FIP1L1: variants seen among roughly 807,000 people sequenced by gnomAD.
The protein encoded by FIP1L1 is factor interacting with PAPOLA and CPSF1.
A neutral mutation model predicts 84.6 loss-of-function variants in FIP1L1; 21 were observed. That is an observed-to-expected ratio of 0.25 (90% CI 0.18 to 0.36). The LOEUF is 0.36. FIP1L1 is among the 10% of genes least tolerant of loss of function. FIP1L1 has a pLI of 1.00. For missense variants in FIP1L1, 526 were observed against 751.1 expected, an observed-to-expected ratio of 0.70 and a Z score of 3.50; for synonymous variants, 263 against 242.3, an observed-to-expected ratio of 1.09 and a Z score of -0.80.
At chr4:53,445,018 G>A (rs1280554485) in intron 15 of FIP1L1, among the ~76,000 whole-genome samples, 1 of 152,170 alleles carries the variant, frequency 6.6e-6, no homozygotes, top group Non-Finnish European at 1.5e-5. Context: ...AGAAGTGGAA[G>A]GGTAGATAAT....
rs187675363 is a variant in FIP1L1, at chr4:53,426,981, G to A, written c.1017+1016G>A. On this transcript the variant is annotated intron_variant, in intron 12 of 17. Transcript: ENST00000337488. ...CTGAGTCCTTTTAAAAATGTCCAGAGCACTTTATTCTTACCTTTGATAAGT... is the reference window on the plus strand; with the variant it reads ...CTGAGTCCTTTTAAAAATGTCCAGAACACTTTATTCTTACCTTTGATAAGT... Among the ~76,000 whole-genome samples the A allele has an allele frequency of 2.6e-5, 4 of 152,032 alleles. No individual in the cohort carries two copies. The East Asian group carries it at 5.8e-4, about 22-fold the overall frequency.
At chr4:53,441,714 C>G (rs1383864161) in intron 13 of FIP1L1, among the ~76,000 whole-genome samples, 1 of 151,824 alleles carries the variant, frequency 6.6e-6, no homozygotes, top group African/African-American at 2.4e-5. Flanking sequence ...AAAACGGAGG[C>G]TTAGTGGAAG....
At chr4:53,458,509 G>A in intron 16 of FIP1L1, 144 bp from the exon 17 acceptor site, 1 of 646,916 alleles carries the variant, frequency 1.5e-6, no homozygotes, top group Non-Finnish European at 2.4e-6. Flanking sequence ...TCAATTCAAC[G>A]AATATTTCTT....
intron 13 of FIP1L1, among the ~76,000 whole-genome samples, chr4:53,429,736 G>A (rs1202531935): frequency 2.6e-5 from 4 of 151,908 alleles, no homozygotes; most frequent in African/African-American, 9.7e-5. Flanking sequence ...GTGATGTTTT[G>A]ATTATGTCTA....
chr4:53,407,026 C>G (rs1247642644), intron 10 of FIP1L1, among the ~76,000 whole-genome samples: 16 of 152,102 alleles, frequency 1.1e-4, no homozygotes, highest in Non-Finnish European at 1.6e-4. Context: ...CTGCTCTGAT[C>G]TTAGTTATTT....
chr4:53,390,006 T>G (rs1560493443), intron 6 of FIP1L1, 133 bp downstream of exon 6: 2 of 621,188 alleles, frequency 3.2e-6, no homozygotes, highest in South Asian at 4.4e-5. Flanking sequence ...TGGCGCAATC[T>G]TAGTTCACTG....
At chr4:53,391,536 T>A (rs1744245505) in intron 9 of FIP1L1, 38 bp downstream of exon 9, 1 of 1,510,928 alleles carries the variant, frequency 6.6e-7, no homozygotes, top group South Asian at 1.1e-5. Flanking sequence ...GCTCTCATTT[T>A]TTGTTCTTGA....
chr4:53,412,334 T>C (rs1757609284), intron 10 of FIP1L1, among the ~76,000 whole-genome samples: 1 of 152,272 alleles, frequency 6.6e-6, no homozygotes, highest in African/African-American at 2.4e-5. Context: ...AGTACTTTCA[T>C]CTAATTGCAG....
At chr4:53,449,247 T>G (rs970932654) in intron 15 of FIP1L1, among the ~76,000 whole-genome samples, 1 of 152,086 alleles carries the variant, frequency 6.6e-6, no homozygotes, top group African/African-American at 2.4e-5. Context: ...TGCTTCTAGA[T>G]TTTTACTGTT....
At chr4:53,419,786 T>A (rs1761356249) in intron 11 of FIP1L1, among the ~76,000 whole-genome samples, 1 of 151,982 alleles carries the variant, frequency 6.6e-6, no homozygotes, top group Non-Finnish European at 1.5e-5. Context: ...ATTAAATAAA[T>A]TCTAAGCTGT....
Position 53,459,515 on chromosome 4 carries a change from T to C in FIP1L1, c.*66T>C, listed in dbSNP as rs1481344225. The C allele has an allele frequency of 6.2e-7, 1 of 1,600,266 alleles. No homozygotes were observed. Among genetic ancestry groups the C allele is most frequent in the Non-Finnish European group, 8.5e-7 (1 of 1,170,866 alleles). On this transcript the variant is annotated 3_prime_UTR_variant, in exon 18 of 18. Transcript: ENST00000337488. ...GATACTATAAATCTTGTTATTTTTC[T>C]GGATAATGTTTAAGAAATTTACCTT... is the stretch of plus-strand genomic sequence containing the variant.
At chr4:53,404,126 A>C (rs1751819316) in intron 10 of FIP1L1, among the ~76,000 whole-genome samples, 1 of 151,052 alleles carries the variant, frequency 6.6e-6, no homozygotes, top group Admixed American at 6.6e-5. Flanking sequence ...CGTCATTTAG[A>C]ATTAGGTATA....
intron 11 of FIP1L1, among the ~76,000 whole-genome samples, chr4:53,415,203 A>G (rs576259285): frequency 6.6e-6 from 1 of 152,056 alleles, no homozygotes; most frequent in South Asian, 2.1e-4. Flanking sequence ...GGAATATGCT[A>G]TTTCCCTTAT....
rs758580723 is a variant in FIP1L1, at chr4:53,458,637, T to G, written c.1500-16T>G. 1.9e-6 allele frequency: 3 copies of G among 1,605,970 alleles called. No homozygotes were observed. Among genetic ancestry groups the G allele is most frequent in the South Asian group, 2.2e-5 (2 of 89,638 alleles). Reference sequence around the variant, plus strand: ...ATGGTCCAGTTGTCAAGAAAACATTTCTATTTCAATTTCAGCGATGAAGAA... The same window carrying G: ...ATGGTCCAGTTGTCAAGAAAACATTGCTATTTCAATTTCAGCGATGAAGAA... On this transcript the variant is annotated splice_polypyrimidine_tract_variant and intron_variant, in intron 16 of 17. Coordinates refer to ENST00000337488, the MANE Select transcript of FIP1L1 (RefSeq NM_030917.4).
At chr4:53,459,276 C>CT (rs1290083034) in intron 17 of FIP1L1, 26 bp from the exon 18 acceptor site, 6 of 962,564 alleles carry the variant, frequency 6.2e-6, no homozygotes, top group African/African-American at 4.4e-5. Flanking sequence ...ACAGAACACA[C>CT]CTTTTTTTTT....
intron 5 of FIP1L1, among the ~76,000 whole-genome samples, chr4:53,387,698 A>C (rs2149343753): frequency 6.6e-6 from 1 of 152,356 alleles, no homozygotes; most frequent in South Asian, 2.1e-4. Flanking sequence ...TTTATTGAAC[A>C]CTTGTGGCTA....
chr4:53,387,748 G>A (rs1266728652), intron 5 of FIP1L1, among the ~76,000 whole-genome samples: 2 of 152,236 alleles, frequency 1.3e-5, no homozygotes, highest in Non-Finnish European at 2.9e-5. Flanking sequence ...ATACGGTCCT[G>A]TAAGAGAACA....
intron 10 of FIP1L1, among the ~76,000 whole-genome samples, chr4:53,409,760 C>G (rs1318880319): frequency 6.6e-6 from 1 of 152,222 alleles, no homozygotes. Context: ...TGCTAGCAAT[C>G]TGCGAGACTC....
intron 10 of FIP1L1, among the ~76,000 whole-genome samples, chr4:53,404,155 C>A: frequency 1.0e-5 from 1 of 97,638 alleles, no homozygotes; most frequent in East Asian, 3.9e-4. Flanking sequence ...TGCTATCCCT[C>A]CCCCCTCCCC....
Sources: allele counts gnomAD v4.1 joint callset (sites outside exome capture counted in the v4.1 genomes callset), GRCh38; gene constraint gnomAD v4.1.1; transcripts MANE v1.5; gene names NCBI Gene and HGNC (gene_info 2026-07-23, HGNC 2026-07-21).